Variants in CAMTA1 observed in about 807,000 individuals in gnomAD.
CAMTA1 encodes calmodulin binding transcription activator 1.
Under a neutral mutation model 170.9 loss-of-function variants are expected in CAMTA1, and 27 were observed. That is an observed-to-expected ratio of 0.16 (90% CI 0.12 to 0.22). The LOEUF (loss-of-function observed/expected upper bound fraction) is 0.22. Among genes scored for constraint, CAMTA1 ranks in the 10% least tolerant of loss-of-function variants. The pLI is 1.00. For missense variants in CAMTA1, 1,619 were observed against 2,217.2 expected (o/e 0.73, Z 5.42); for synonymous variants, 833 against 891.5 (o/e 0.93, Z 1.17).
chr1:6,903,519 T>C (rs1677599103), intron 3 of CAMTA1, among the ~76,000 whole-genome samples: 1 of 152,240 alleles, frequency 6.6e-6, no homozygotes, highest in African/African-American at 2.4e-5. Context: ...CAAGTTTCTA[T>C]GTGGTGCATC....
intron 9 of CAMTA1, among the ~76,000 whole-genome samples, chr1:7,669,682 C>T (rs1369763980): frequency 1.3e-5 from 2 of 152,232 alleles, no homozygotes; most frequent in South Asian, 2.1e-4. Context: ...AGCAGCTCTC[C>T]GCCCCACTGC....
intron 3 of CAMTA1, among the ~76,000 whole-genome samples, chr1:6,831,387 C>G (rs1650084671): frequency 6.6e-6 from 1 of 152,144 alleles, no homozygotes; most frequent in Non-Finnish European, 1.5e-5. Flanking sequence ...GGCCTAGAGC[C>G]AGAAATAATT....
At chr1:7,338,636 A>G (rs1033950083) in intron 5 of CAMTA1, among the ~76,000 whole-genome samples, 32 of 152,352 alleles carry the variant, frequency 2.1e-4, no homozygotes, top group African/African-American at 7.7e-4. Context: ...GAACTGAAAC[A>G]TCAGCGATTT....
intron 4 of CAMTA1, among the ~76,000 whole-genome samples, chr1:7,149,007 T>C (rs1358418965): frequency 3.9e-5 from 6 of 152,330 alleles, no homozygotes; most frequent in African/African-American, 1.4e-4. Context: ...GAGTGGGGCT[T>C]CCTGCCCTGT....
At chr1:7,708,402 G>A (rs1481807614) in intron 11 of CAMTA1, among the ~76,000 whole-genome samples, 1 of 152,148 alleles carries the variant, frequency 6.6e-6, no homozygotes, top group East Asian at 1.9e-4. Flanking sequence ...GGAGGCCAAG[G>A]CAGAAGGATT....
intron 1 of CAMTA1, among the ~76,000 whole-genome samples, chr1:6,788,791 C>T (rs1162586246): frequency 2.0e-5 from 3 of 152,062 alleles, no homozygotes; most frequent in African/African-American, 7.2e-5. Context: ...GAAGAAGACA[C>T]TTGAGGTTAT....
chr1:7,223,801 T>C (rs1661226153), intron 4 of CAMTA1, among the ~76,000 whole-genome samples: 1 of 152,212 alleles, frequency 6.6e-6, no homozygotes, highest in South Asian at 2.1e-4. Context: ...AAGAGCTCAT[T>C]TGAGTTTCCA....
chr1:7,730,667 G>A (rs1431392247), intron 11 of CAMTA1, among the ~76,000 whole-genome samples: 1 of 152,016 alleles, frequency 6.6e-6, no homozygotes, highest in East Asian at 1.9e-4. Flanking sequence ...AGGCTGAGGC[G>A]GGCAGATCAC....
chr1:6,860,917 A>T (rs921627560), intron 3 of CAMTA1, among the ~76,000 whole-genome samples: 1 of 151,650 alleles, frequency 6.6e-6, no homozygotes, highest in African/African-American at 2.4e-5. Context: ...ATCTCAAAAA[A>T]ACAAAACAAA....
chr1:6,839,337 G>A (rs1419721033), intron 3 of CAMTA1, among the ~76,000 whole-genome samples: 3 of 151,982 alleles, frequency 2.0e-5, no homozygotes, highest in Non-Finnish European at 2.9e-5. Context: ...AGTCGAGATC[G>A]TGCCACTGCA....
chr1:7,124,391 C>T (rs568798626), intron 4 of CAMTA1, among the ~76,000 whole-genome samples: 2 of 152,340 alleles, frequency 1.3e-5, no homozygotes, highest in East Asian at 3.9e-4. Context: ...ATCCCGCCTT[C>T]GAGGCCTGGA....
At chr1:7,166,968 G>A (rs764949669) in intron 4 of CAMTA1, among the ~76,000 whole-genome samples, 3 of 151,586 alleles carry the variant, frequency 2.0e-5, no homozygotes, top group Non-Finnish European at 2.9e-5. Flanking sequence ...CCGCCACCCC[G>A]CCCAGCTAAT....
In CAMTA1 at chr1:7,733,785, A is replaced by G. The variant is rs115025638; in HGVS notation, c.3066+1186A>G. 1.7e-3 allele frequency among the ~76,000 whole-genome samples: 255 copies of G among 152,254 alleles called. 1 individual carries two copies. The highest frequency in any genetic ancestry group is 6.0e-3 in the African/African-American group (251 of 41,518). ...GGTTTTATGAACCTCATAAATATCAAGTTTAGTTATATTTTAAATAATAGG... is the reference window on the plus strand; with the variant it reads ...GGTTTTATGAACCTCATAAATATCAGGTTTAGTTATATTTTAAATAATAGG... On this transcript the variant is annotated intron_variant, in intron 12 of 22. Transcript: ENST00000303635.
At position 6,930,302 on chromosome 1, in the gene CAMTA1, T is replaced by C. The variant is rs114010021; in HGVS notation, c.234+105092T>C. Among the ~76,000 whole-genome samples, 610 of 152,260 alleles carry C rather than the reference T, an allele frequency of 4.0e-3. 4 individuals are homozygous for C. The highest frequency in any genetic ancestry group is 0.014 in the African/African-American group (587 of 41,530). ...GTGCTGGCGTACCATGTTCCCACCA[T>C]TGTACACCGTCATATGCTGAAGGAT... On this transcript the variant is annotated intron_variant, in intron 3 of 22. Transcript: ENST00000303635.
chr1:7,447,418 TG>T (rs1050816761), intron 5 of CAMTA1, among the ~76,000 whole-genome samples: 37 of 1,834 alleles, frequency 0.02, 1 homozygote, highest in Non-Finnish European at 0.034. Flanking sequence ...GGGCTTTGAG[TG>T]GGGGCGGGGT....
rs1446487491 is a variant in CAMTA1, at chr1:7,588,117, A to G, written c.511-52283A>G. 6.6e-6 allele frequency among the ~76,000 whole-genome samples: 1 copy of G among 152,082 alleles called. No individual in the cohort carries two copies. Among genetic ancestry groups the G allele is most frequent in the Non-Finnish European group, 1.5e-5 (1 of 68,030 alleles). ...GGTGCTGTTCTGGGTCACTGGGGCT[A>G]TGGGACTAGACCCCAGGGCTGGGAT... On this transcript the variant is annotated intron_variant, in intron 6 of 22. Transcript: ENST00000303635. The surrounding 1 kb of genome is among the most constrained non-coding windows in gnomAD (Gnocchi z 5.8).
chr1:6,989,357 G>T (rs1281471873), intron 3 of CAMTA1, among the ~76,000 whole-genome samples: 3 of 152,212 alleles, frequency 2.0e-5, no homozygotes, highest in Non-Finnish European at 4.4e-5. Context: ...CTTTGAGAAA[G>T]CGATTTACAT....
intron 3 of CAMTA1, among the ~76,000 whole-genome samples, chr1:7,074,907 A>C (rs1256744747): frequency 6.6e-6 from 1 of 152,194 alleles, no homozygotes; most frequent in Non-Finnish European, 1.5e-5. Flanking sequence ...GTTGCCTTCC[A>C]TGTGAGGGCT....
intron 5 of CAMTA1, among the ~76,000 whole-genome samples, chr1:7,350,257 C>G (rs2084555754): frequency 1.3e-5 from 2 of 152,320 alleles, no homozygotes; most frequent in East Asian, 3.9e-4. Flanking sequence ...GCCGGATTCT[C>G]TCTGTGTCCT....
Sources: allele counts gnomAD v4.1 joint callset (sites outside exome capture counted in the v4.1 genomes callset), GRCh38; gene constraint gnomAD v4.1.1; non-coding constraint Gnocchi (gnomAD v3.1); transcripts MANE v1.5; gene names NCBI Gene and HGNC (gene_info 2026-07-23, HGNC 2026-07-21).